SMOC2: variants seen among roughly 807,000 people sequenced by gnomAD.
SMOC2 encodes SPARC-related modular calcium-binding protein 2.
In SMOC2, 39 loss-of-function variants were observed where a neutral mutation model predicts 61.4. The ratio of observed to expected loss-of-function variants is 0.64; its 90% CI spans 0.49 to 0.83. SMOC2 has a LOEUF of 0.83. SMOC2 is among the 40% of genes least tolerant of loss of function. The probability of loss-of-function intolerance (pLI) is 0.00; values close to 1 mark genes in which losing one functional copy is unlikely to be tolerated. For synonymous variants in SMOC2, 247 were observed against 239.9 expected, an observed-to-expected ratio of 1.03 and a Z score of -0.27; for missense variants, 556 against 592.9, an observed-to-expected ratio of 0.94 and a Z score of 0.65.
At position 168,441,468 on chromosome 6, in the gene SMOC2, C is replaced by A. The variant is rs1781204926; in HGVS notation, c.84+14C>A. The A allele has an allele frequency of 6.7e-7, 1 of 1,490,316 alleles. No individual in the cohort carries two copies. The highest frequency in any genetic ancestry group is 1.3e-5 in the South Asian group (1 of 78,630). The allele number at this position is 1,490,316 out of a possible 1,614,324, so 92.3% of individuals were successfully genotyped here. Reference sequence around the variant, plus strand: ...TCGGCGCTCACGGTAAGCCCGGGCCCGCGGGACCTGGAGCTCAAGTGGTGC... The same window carrying A: ...TCGGCGCTCACGGTAAGCCCGGGCCAGCGGGACCTGGAGCTCAAGTGGTGC... On this transcript the variant is annotated intron_variant, in intron 1 of 12. Transcript: ENST00000356284.
rs1460931064 is a variant in SMOC2 at position 168,475,950 on chromosome 6, G to A, written c.85-33965G>A. 6.6e-6 allele frequency among the ~76,000 whole-genome samples: 1 copy of A among 151,968 alleles called. No homozygotes were observed. Among genetic ancestry groups the A allele is most frequent in the East Asian group, 1.9e-4 (1 of 5,158 alleles). On this transcript the variant is annotated intron_variant, in intron 1 of 12. Coordinates refer to ENST00000356284, the MANE Select transcript of SMOC2 (RefSeq NM_001166412.2). This position sits in a 1 kb window ranked among gnomAD's most constrained non-coding sequence, Gnocchi z 4.6. ...GACCAGGAGGCGTGGAAGGGCTGAGGTTTGCTAACCGTAGTCCACTTGGGA... is the reference window on the plus strand; with the variant it reads ...GACCAGGAGGCGTGGAAGGGCTGAGATTTGCTAACCGTAGTCCACTTGGGA...
At chr6:168,510,431 G>A (rs963512950) in intron 2 of SMOC2, among the ~76,000 whole-genome samples, 16 of 152,040 alleles carry the variant, frequency 1.1e-4, no homozygotes, top group African/African-American at 2.7e-4. Context: ...ACAATAGCAC[G>A]TGTGCAGTTT....
intron 1 of SMOC2, among the ~76,000 whole-genome samples, chr6:168,463,751 G>C (rs1486215535): frequency 1.3e-5 from 2 of 152,144 alleles, no homozygotes; most frequent in African/African-American, 4.8e-5. Context: ...CAGAGGCAAG[G>C]TGCAGGCCCA....
At chr6:168,621,670 GGA>G (rs1786249255) in intron 9 of SMOC2, among the ~76,000 whole-genome samples, 1 of 151,860 alleles carries the variant, frequency 6.6e-6, no homozygotes, top group African/African-American at 2.4e-5. Context: ...CATGGCAGCA[GGA>G]GAGAGAAGGG....
chr6:168,583,315 T>C (rs1784965324), intron 7 of SMOC2, among the ~76,000 whole-genome samples: 1 of 149,908 alleles, frequency 6.7e-6, no homozygotes, highest in Admixed American at 6.6e-5. Context: ...CCTCACTCCT[T>C]CCCGGCTCCA....
chr6:168,599,216 A>T (rs1416120906), intron 8 of SMOC2, among the ~76,000 whole-genome samples: 1 of 135,158 alleles, frequency 7.4e-6, no homozygotes, highest in African/African-American at 2.9e-5. Context: ...ACTCATACCC[A>T]CACACACCCA....
intron 2 of SMOC2, among the ~76,000 whole-genome samples, chr6:168,514,439 A>G (rs1400346396): frequency 1.3e-5 from 2 of 152,220 alleles, no homozygotes; most frequent in African/African-American, 2.4e-5. Flanking sequence ...TGGGTTATGG[A>G]AAGTTGGCGT....
intron 2 of SMOC2, among the ~76,000 whole-genome samples, chr6:168,520,846 C>A (rs1783313192): frequency 6.6e-6 from 1 of 152,204 alleles, no homozygotes; most frequent in South Asian, 2.1e-4. Flanking sequence ...ACTCTCTGGG[C>A]TTAGGACTAC....
chr6:168,617,809 C>A (rs1443574398), intron 9 of SMOC2, among the ~76,000 whole-genome samples: 2 of 152,188 alleles, frequency 1.3e-5, no homozygotes, highest in East Asian at 3.9e-4. Flanking sequence ...CTGGCCTTAC[C>A]CCAGTGCATT....
chr6:168,511,495 C>T (rs1174167603), intron 2 of SMOC2, among the ~76,000 whole-genome samples: 1 of 152,224 alleles, frequency 6.6e-6, no homozygotes, highest in East Asian at 1.9e-4. Context: ...TACCTCCCAC[C>T]AGGTCCCTCC....
At chr6:168,464,338 A>G (rs760596874) in intron 1 of SMOC2, among the ~76,000 whole-genome samples, 5 of 152,264 alleles carry the variant, frequency 3.3e-5, no homozygotes, top group African/African-American at 4.8e-5. Flanking sequence ...GGCTACTCGG[A>G]TAATAGCTCT....
At chr6:168,477,667 T>C (rs923050882) in intron 1 of SMOC2, among the ~76,000 whole-genome samples, 2 of 152,136 alleles carry the variant, frequency 1.3e-5, no homozygotes, top group Non-Finnish European at 2.9e-5. Flanking sequence ...CACTGTTTGC[T>C]GTTGTATAAC....
chr6:168,608,337 C>A, intron 9 of SMOC2, 98 bp downstream of exon 9: 1 of 1,348,702 alleles, frequency 7.4e-7, no homozygotes, highest in Non-Finnish European at 1.0e-6. Flanking sequence ...CTCTGTTTCC[C>A]AGGGGGCCTG....
At chr6:168,576,520 G>C (rs1410767032) in intron 7 of SMOC2, among the ~76,000 whole-genome samples, 1 of 152,088 alleles carries the variant, frequency 6.6e-6, no homozygotes, top group Non-Finnish European at 1.5e-5. Context: ...TCTCCTGTGA[G>C]GACCTTAGGG....
In SMOC2 at chr6:168,653,096, C is replaced by A. The variant is rs752959166; in HGVS notation, c.1153C>A (p.Pro385Thr). 1 of 1,614,118 alleles carries A rather than the reference C, an allele frequency of 6.2e-7. No homozygotes were observed. The highest frequency in any genetic ancestry group is 8.5e-7 in the Non-Finnish European group (1 of 1,180,020). ...GAGGTTCCTTCGCAAAAAATCAAAG[C>A]CCAAAAAATGTGTGAAGAAGTTTGT... Reference protein sequence around the residue: ...FKRFLRKKSKPKKCVKKFVEY... With the variant: ...FKRFLRKKSKTKKCVKKFVEY... Residue 385 changes from proline to threonine, a missense_variant, in exon 11 of 13, where the codon CCC (proline) becomes ACC (threonine). Transcript: ENST00000356284.
chr6:168,590,791 C>T (rs539205116), intron 7 of SMOC2, among the ~76,000 whole-genome samples: 1 of 152,072 alleles, frequency 6.6e-6, no homozygotes, highest in South Asian at 2.1e-4. Flanking sequence ...CTGGCAGCTG[C>T]TTATTATCAT....
chr6:168,532,517 G>A (rs1346670330), intron 4 of SMOC2, among the ~76,000 whole-genome samples: 1 of 134,844 alleles, frequency 7.4e-6, no homozygotes, highest in Non-Finnish European at 1.7e-5. Flanking sequence ...TGCCAAGAGA[G>A]GGTGTTTGCA....
chr6:168,447,040 CTTT>C (rs1781346913), intron 1 of SMOC2, among the ~76,000 whole-genome samples: 1 of 152,160 alleles, frequency 6.6e-6, no homozygotes, highest in Admixed American at 6.5e-5. Flanking sequence ...TCTCTGCCCA[CTTT>C]ACGGTCTTCT....
chr6:168,543,722 T>C (rs147613612), intron 5 of SMOC2, 50 bp downstream of exon 5: 125 of 1,527,848 alleles, frequency 8.2e-5, no homozygotes, highest in Non-Finnish European at 1.1e-4. Context: ...ATCTAACTTA[T>C]CCCGTGAAAT....
Sources: gnomAD v4.1 joint callset for allele counts (sites outside exome capture counted in the v4.1 genomes callset) on GRCh38, gnomAD v4.1.1 for gene constraint, Gnocchi (gnomAD v3.1) non-coding constraint, MANE v1.5 for transcripts, NCBI Gene and HGNC (gene_info 2026-07-23, HGNC 2026-07-21) for gene names.